LRRC20: variants seen among roughly 807,000 people sequenced by gnomAD.
LRRC20 encodes leucine rich repeat containing 20, also known as leucine-rich repeat-containing protein 20.
In LRRC20, 11 loss-of-function variants were observed where a neutral mutation model predicts 14.4. The observed-to-expected ratio is 0.77, with a 90% CI of 0.48 to 1.27. LRRC20 has a LOEUF of 1.27. Ranked by LOEUF, LRRC20 falls within the 50% of genes most tolerant of loss-of-function variation. The pLI is 0.00. For missense variants in LRRC20, 219 were observed against 251.2 expected, an observed-to-expected ratio of 0.87 and a Z score of 0.87; for synonymous variants, 121 against 107.3, an observed-to-expected ratio of 1.13 and a Z score of -0.79.
intron 3 of LRRC20, among the ~76,000 whole-genome samples, chr10:70,335,086 C>T (rs1201268643): frequency 2.6e-5 from 4 of 152,190 alleles, no homozygotes; most frequent in African/African-American, 9.7e-5. Flanking sequence ...AGGAGGAAAC[C>T]ACACTTCTTC....
At chr10:70,342,893 C>A (rs887483651) in intron 2 of LRRC20, among the ~76,000 whole-genome samples, 1 of 152,194 alleles carries the variant, frequency 6.6e-6, no homozygotes. Context: ...CTCTCAGAAA[C>A]TCTCATCTTT....
chr10:70,372,995 T>A (rs2137163223), intron 2 of LRRC20, among the ~76,000 whole-genome samples: 1 of 150,690 alleles, frequency 6.6e-6, no homozygotes, highest in East Asian at 2.0e-4. Context: ...ACACCTGTAA[T>A]CCCAGCTACT....
intron 2 of LRRC20, among the ~76,000 whole-genome samples, chr10:70,373,302 T>A (rs1844383159): frequency 6.6e-6 from 1 of 152,160 alleles, no homozygotes; most frequent in African/African-American, 2.4e-5. Context: ...ATCTCCCACC[T>A]CTGAATTAGG....
intron 2 of LRRC20, among the ~76,000 whole-genome samples, chr10:70,375,107 T>G (rs1844457937): frequency 6.6e-6 from 1 of 152,110 alleles, no homozygotes; most frequent in South Asian, 2.1e-4. Context: ...TACTGACCAG[T>G]ACAGGATTCC....
intron 3 of LRRC20, among the ~76,000 whole-genome samples, chr10:70,325,905 A>T (rs920525409): frequency 2.6e-5 from 4 of 151,982 alleles, no homozygotes; most frequent in Admixed American, 2.6e-4. Flanking sequence ...TATGAATTTC[A>T]TGATTCTACA....
chr10:70,362,696 C>T (rs1382214870), intron 2 of LRRC20, among the ~76,000 whole-genome samples: 1 of 152,172 alleles, frequency 6.6e-6, no homozygotes, highest in Non-Finnish European at 1.5e-5. Context: ...TGGCCCCTTA[C>T]AGACATGACC....
chr10:70,309,434 C>CAT (rs3031530), intron 4 of LRRC20, among the ~76,000 whole-genome samples: 2,543 of 152,298 alleles, frequency 0.017, 99 homozygotes, highest in African/African-American at 0.058. Context: ...TCCCAGAGCC[C>CAT]ATACACTTCA....
rs572082329 is a variant in LRRC20, at chr10:70,330,702, G to A, written c.233-6672C>T. ...CATCCTGATGGGGTGGGGAGGCACC[G>A]GCAAGAGAGCAAGTTCTTCCCAGCC... On this transcript the variant is annotated intron_variant, in intron 3 of 4. Coordinates refer to ENST00000446961, the MANE Select transcript of LRRC20 (RefSeq NM_001278212.2). Among the ~76,000 whole-genome samples, 21 of 152,290 alleles carry A rather than the reference G, an allele frequency of 1.4e-4. No homozygotes were observed. The South Asian group carries it at 4.1e-3, about 30-fold the overall frequency.
In LRRC20 at chr10:70,323,463, C is replaced by T. The variant is rs1842177511; in HGVS notation, c.400+400G>A. 3.3e-5 allele frequency among the ~76,000 whole-genome samples: 5 copies of T among 152,196 alleles called. No homozygotes were observed. In the South Asian group the frequency reaches 1.0e-3, roughly 32 times the overall value. On this transcript the variant is annotated intron_variant, in intron 4 of 4. Coordinates refer to ENST00000446961, the MANE Select transcript of LRRC20 (RefSeq NM_001278212.2). ...GTGCTGAACATGGCTGTCTAGTGGG[C>T]CCTGCTCACTCCTGTGAAGAGGTCT...
At chr10:70,322,762 C>T (rs911587958) in intron 4 of LRRC20, among the ~76,000 whole-genome samples, 2 of 152,100 alleles carry the variant, frequency 1.3e-5, no homozygotes, top group Admixed American at 6.5e-5. Context: ...CTGTGCAACC[C>T]GATGCACTCT....
chr10:70,354,196 G>A (rs1311853796), intron 2 of LRRC20, among the ~76,000 whole-genome samples: 1 of 152,152 alleles, frequency 6.6e-6, no homozygotes, highest in Non-Finnish European at 1.5e-5. Flanking sequence ...GATTTAATTA[G>A]TGGGGGCTGG....
chr10:70,327,647 C>A (rs979390650), intron 3 of LRRC20, among the ~76,000 whole-genome samples: 16 of 152,140 alleles, frequency 1.1e-4, no homozygotes, highest in Admixed American at 6.5e-4. Context: ...CTACTACATT[C>A]GAGGCACTTG....
In LRRC20 at chr10:70,301,014, C is replaced by T. The variant is rs546422767; in HGVS notation, c.*340G>A. ...CTGATCTGGAGGTAACTTGGAGGCACGTACTGCTTAAAAACCTCCAGGGAG... is the reference window on the plus strand; with the variant it reads ...CTGATCTGGAGGTAACTTGGAGGCATGTACTGCTTAAAAACCTCCAGGGAG... On this transcript the variant is annotated 3_prime_UTR_variant, in exon 5 of 5. Transcript: ENST00000446961. The T allele has an allele frequency of 5.5e-5, 59 of 1,068,164 alleles. No individual in the cohort carries two copies. Among genetic ancestry groups the T allele is most frequent in the South Asian group, 1.6e-4 (4 of 25,212 alleles). The allele number at this position is 1,068,164 out of a possible 1,614,324, so 66.2% of individuals were successfully genotyped here. A position where few individuals can be genotyped will look rare whatever the true frequency, so the allele number is the denominator to read the frequency against.
intron 4 of LRRC20, among the ~76,000 whole-genome samples, chr10:70,322,215 G>A (rs748409841): frequency 1.3e-5 from 2 of 152,214 alleles, no homozygotes; most frequent in Non-Finnish European, 2.9e-5. Context: ...GATTCACAGA[G>A]CTGCTGTGAG....
At chr10:70,357,479 G>A (rs1843567802) in intron 2 of LRRC20, among the ~76,000 whole-genome samples, 1 of 152,230 alleles carries the variant, frequency 6.6e-6, no homozygotes, top group Non-Finnish European at 1.5e-5. Context: ...TGCTCAGTAA[G>A]TAAGAGATGC....
At chr10:70,344,866 C>T (rs1843022979) in intron 2 of LRRC20, among the ~76,000 whole-genome samples, 1 of 152,108 alleles carries the variant, frequency 6.6e-6, no homozygotes, top group Non-Finnish European at 1.5e-5. Context: ...GGCACCCGGC[C>T]CACAAAGACA....
chr10:70,379,389 A>G (rs1245213405), intron 1 of LRRC20, among the ~76,000 whole-genome samples: 1 of 152,172 alleles, frequency 6.6e-6, no homozygotes, highest in African/African-American at 2.4e-5. Context: ...TGAGGACCCA[A>G]GAGGGGAGGC....
chr10:70,363,357 A>G (rs1221092667), intron 2 of LRRC20, among the ~76,000 whole-genome samples: 1 of 152,050 alleles, frequency 6.6e-6, no homozygotes, highest in Non-Finnish European at 1.5e-5. Flanking sequence ...AAACCCCAGA[A>G]AAGTCTCTCC....
At chr10:70,365,204 C>T (rs145806551) in intron 2 of LRRC20, among the ~76,000 whole-genome samples, 2,946 of 152,144 alleles carry the variant, frequency 0.019, 89 homozygotes, top group African/African-American at 0.067. Flanking sequence ...GGATTACAGG[C>T]GTGTGCCACC....
Sources: gnomAD v4.1 joint callset for allele counts (sites outside exome capture counted in the v4.1 genomes callset) on GRCh38, gnomAD v4.1.1 for gene constraint, MANE v1.5 for transcripts, NCBI Gene and HGNC (gene_info 2026-07-23, HGNC 2026-07-21) for gene names.